Variants in GET4 observed in about 807,000 individuals in gnomAD.
GET4 encodes guided entry of tail-anchored proteins factor 4.
GET4 carries 20 observed loss-of-function variants against 40.0 expected under a neutral mutation model. The observed-to-expected ratio is 0.50, with a 90% CI of 0.35 to 0.73. GET4 has a LOEUF of 0.73. Ranked by LOEUF, GET4 falls within the 30% of genes least tolerant of loss-of-function variation. The pLI, the probability that GET4 is intolerant of heterozygous loss-of-function variation, is 0.01. For missense variants in GET4, 557 were observed against 454.0 expected, an observed-to-expected ratio of 1.23 and a Z score of -2.06; for synonymous variants, 280 against 194.6, an observed-to-expected ratio of 1.44 and a Z score of -3.65.
At chr7:880,899 C>T (rs1368046907) in intron 1 of GET4, 3 of 152,240 alleles carry the variant, frequency 2.0e-5, no homozygotes, top group South Asian at 4.1e-4. Flanking sequence ...GAGTCTTGCT[C>T]TGTCGCTCAG....
In GET4 at chr7:891,083, C is replaced by A; in HGVS notation, c.605+17C>A. On this transcript the variant is annotated intron_variant, in intron 5 of 8. Coordinates refer to ENST00000265857, the MANE Select transcript of GET4 (RefSeq NM_015949.3). ...CGTGCTACAGTAGGTGTCTGTGGCT[C>A]TTCGGGTCTCGGCTTCCATTGCTGC... is the stretch of plus-strand genomic sequence containing the variant. The A allele has an allele frequency of 6.4e-7, 1 of 1,568,270 alleles. No individual in the cohort carries two copies.
chr7:894,185 C>T (rs1844413940), intron 8 of GET4, among the ~76,000 whole-genome samples: 1 of 151,552 alleles, frequency 6.6e-6, no homozygotes, highest in South Asian at 2.1e-4. Flanking sequence ...CACTCCAGAG[C>T]TCCCCATCCC....
Position 882,993 on chromosome 7 carries a change from C to T in GET4, c.156-3063C>T, listed in dbSNP as rs185737399. 5.1e-4 allele frequency: 78 copies of T among 152,386 alleles called. 1 individual carries two copies. Among genetic ancestry groups the T allele is most frequent in the African/African-American group, 1.7e-3 (71 of 41,564 alleles). 9.4% of individuals were successfully genotyped at this position (152,386 alleles called of 1,614,324 possible). ...TGTGTTTGCGTGATTTTTTTTATTG[C>T]GGCCTCTGACCTTCTTTTGTCTCTT... On this transcript the variant is annotated intron_variant, in intron 1 of 8. Coordinates refer to ENST00000265857, the MANE Select transcript of GET4 (RefSeq NM_015949.3).
At position 886,424 on chromosome 7, in the gene GET4, G is replaced by A. The variant is rs114667919; in HGVS notation, c.235-145G>A. 8.6e-4 allele frequency: 575 copies of A among 665,274 alleles called. 5 individuals carry two copies. The highest frequency in any genetic ancestry group is 8.4e-3 in the African/African-American group (469 of 55,586). 41.2% of individuals were successfully genotyped at this position (665,274 alleles called of 1,614,324 possible). ...TCGGCCAGGAGCTCTCTTTTTCGGC[G>A]GCATTGCCAAGGGACGTGGTGCTCA... is the stretch of plus-strand genomic sequence containing the variant. On this transcript the variant is annotated intron_variant, in intron 2 of 8. Transcript: ENST00000265857.
intron 1 of GET4, chr7:881,507 A>T (rs2128626815): frequency 6.6e-6 from 1 of 152,324 alleles, no homozygotes; most frequent in Admixed American, 6.5e-5. Flanking sequence ...GAGCGTCCGC[A>T]GTTCCTTTTA....
intron 1 of GET4, chr7:878,214 C>T: frequency 2.1e-6 from 1 of 469,638 alleles, no homozygotes; most frequent in Non-Finnish European, 4.4e-6. Context: ...CCCCTCGGGA[C>T]TGTGACCGCT....
rs117948702 is a variant in GET4 at position 893,867 on chromosome 7, C to T, written c.823-32C>T. 6,472 of 1,610,076 alleles carry T rather than the reference C, an allele frequency of 4.0e-3. 13 individuals are homozygous for T. The highest frequency in any genetic ancestry group is 4.8e-3 in the Non-Finnish European group (5,673 of 1,177,028). ...GAGGGGACCCCACGGTCTGGGTCCA[C>T]CCCCTCTGAGCCCGCTGCCTGTGCC... On this transcript the variant is annotated intron_variant, in intron 7 of 8. Coordinates refer to ENST00000265857, the MANE Select transcript of GET4 (RefSeq NM_015949.3).
intron 1 of GET4, chr7:884,043 A>G (rs1844138798): frequency 1.7e-6 from 2 of 1,169,394 alleles, no homozygotes; most frequent in Non-Finnish European, 2.1e-6. Context: ...CCCCCAGAGC[A>G]GGCTCCTCGT....
chr7:893,649 GGTGA>G (rs1376567457), intron 6 of GET4, 87 bp from the exon 7 acceptor site: 1 of 784,058 alleles, frequency 1.3e-6, no homozygotes, highest in South Asian at 1.5e-5. Flanking sequence ...GGTGTGTGCA[GGTGA>G]GTGTTGGGCG....
intron 4 of GET4, among the ~76,000 whole-genome samples, chr7:890,585 C>T (rs1004347981): frequency 1.1e-4 from 16 of 152,180 alleles, no homozygotes; most frequent in African/African-American, 2.7e-4. Flanking sequence ...GATTATATTG[C>T]GCCCTGTAAG....
At chr7:894,307 C>T (rs527954231) in intron 8 of GET4, among the ~76,000 whole-genome samples, 22 of 152,252 alleles carry the variant, frequency 1.4e-4, no homozygotes, top group African/African-American at 3.6e-4. Flanking sequence ...GTGCCCGGGA[C>T]GCTGCCAGCC....
intron 6 of GET4, 64 bp downstream of exon 6, chr7:892,482 G>A (rs1458929443): frequency 2.0e-6 from 3 of 1,525,012 alleles, no homozygotes; most frequent in Non-Finnish European, 2.7e-6. Context: ...TAGACGTGGT[G>A]TGGATAGCTG....
chr7:886,766 G>A lies in GET4; in HGVS notation c.316+116G>A, dbSNP rs1398358499. 5 of 729,822 alleles carry A rather than the reference G, an allele frequency of 6.9e-6. No homozygotes were observed. The African/African-American group carries it at 6.9e-5, about 10-fold the overall frequency. The allele number at this position is 729,822 out of a possible 1,614,324, so 45.2% of individuals were successfully genotyped here. Reference sequence around the variant, plus strand: ...TTGGGGGTCTTGTGTGCTGTGGGGTGAACTCTGCTGCAGAGGCAGTTCCCA... The same window carrying A: ...TTGGGGGTCTTGTGTGCTGTGGGGTAAACTCTGCTGCAGAGGCAGTTCCCA... On this transcript the variant is annotated intron_variant, in intron 3 of 8. Transcript: ENST00000265857.
At position 896,269 on chromosome 7, in the gene GET4, C is replaced by G. The variant is rs1063819; in HGVS notation, c.*847C>G. ...GATGCTACTCCAAATGTTACCAGAA[C>G]GATGACAAAAGGGGAGACGCTCTAT... On this transcript the variant is annotated 3_prime_UTR_variant, in exon 9 of 9. Coordinates refer to ENST00000265857, the MANE Select transcript of GET4 (RefSeq NM_015949.3). The G allele has an allele frequency of 2.0e-5, 3 of 152,182 alleles. No individual in the cohort carries two copies. The highest frequency in any genetic ancestry group is 6.5e-5 in the Admixed American group (1 of 15,280). 9.4% of individuals were successfully genotyped at this position (152,182 alleles called of 1,614,324 possible). A position where few individuals can be genotyped will look rare whatever the true frequency, so the allele number is the denominator to read the frequency against.
chr7:891,101 A>C, intron 5 of GET4, 35 bp downstream of exon 5: 2 of 1,544,578 alleles, frequency 1.3e-6, no homozygotes, highest in Non-Finnish European at 1.8e-6. Context: ...CTCGGCTTCC[A>C]TTGCTGCCTT....
chr7:895,391 C>T lies in GET4; in HGVS notation c.953C>T (p.Pro318Leu), dbSNP rs763112118. The T allele has an allele frequency of 1.4e-5, 23 of 1,595,130 alleles. No homozygotes were observed. Among genetic ancestry groups the T allele is most frequent in the South Asian group, 2.2e-5 (2 of 90,202 alleles). Residue 318 changes from proline (P) to leucine (L), a missense_variant, in exon 9 of 9, where the codon CCC becomes CTC. Pro to Leu is a moderately conservative substitution (Grantham distance 98). Transcript: ENST00000265857. ...GAGCAGGAGGATGGGGAGGAGAGCC[C>T]CAGCGACGGCAGCCCCATCGAGCTG... ...SSEQEDGEES[P>L]SDGSPIELD
In GET4 at chr7:876,712, G is replaced by A. The variant is rs1268777774; in HGVS notation, c.67G>A (p.Val23Ile). Residue 23 changes from valine to isoleucine, a missense_variant, in exon 1 of 9, where the codon GTC (valine) becomes ATC (isoleucine). Physicochemically the swap from Val to Ile is conservative, Grantham distance 29. Coordinates refer to ENST00000265857, the MANE Select transcript of GET4 (RefSeq NM_015949.3). ...GAACGGCGGCCGCAACCGCGGCGGC[G>A]TCCAGCGTGTGGAGGGCAAGCTGCG... ...ARNGGRNRGG[V>I]QRVEGKLRAS... The A allele has an allele frequency of 2.2e-6, 3 of 1,367,984 alleles. No individual in the cohort carries two copies. Among genetic ancestry groups the A allele is most frequent in the African/African-American group, 3.1e-5 (2 of 64,784 alleles). The allele number at this position is 1,367,984 out of a possible 1,614,324, so 84.7% of individuals were successfully genotyped here.
intron 1 of GET4, chr7:878,146 C>G (rs1308610299): frequency 7.5e-6 from 3 of 401,862 alleles, no homozygotes; most frequent in African/African-American, 2.1e-5. Context: ...ACCTGCACGG[C>G]CGGTGTAGCC....
In GET4 at chr7:884,093, T is replaced by C; in HGVS notation, c.156-1963T>C. 1.5e-5 allele frequency: 18 copies of C among 1,193,320 alleles called. 1 individual carries two copies. In the South Asian group the frequency reaches 2.8e-4, roughly 19 times the overall value. The allele number at this position is 1,193,320 out of a possible 1,614,324, so 73.9% of individuals were successfully genotyped here. ...CACTGCCTTCCAGGGAGTCCTTTTT[T>C]TCTTCTGGTTTCTAAGTCGCCACCT... On this transcript the variant is annotated intron_variant, in intron 1 of 8. Transcript: ENST00000265857.
Sources: gnomAD v4.1 joint callset for allele counts (sites outside exome capture counted in the v4.1 genomes callset) on GRCh38, gnomAD v4.1.1 for gene constraint, MANE v1.5 for transcripts, NCBI Gene and HGNC (gene_info 2026-07-23, HGNC 2026-07-21) for gene names.